Variants in SLC15A1 observed in about 807,000 individuals in gnomAD.
SLC15A1 encodes the protein solute carrier family 15 member 1, also known as Caco-2 oligopeptide transporter.
A neutral mutation model predicts 92.9 loss-of-function variants in SLC15A1; 83 were observed. The observed-to-expected ratio is 0.89, with a 90% CI of 0.75 to 1.07. SLC15A1 has a LOEUF of 1.07. Among genes scored for constraint, SLC15A1 ranks in the 50% least tolerant of loss-of-function variants. The pLI, the probability that SLC15A1 is intolerant of heterozygous loss-of-function variation, is 0.00. For missense variants in SLC15A1, 857 were observed against 880.1 expected (o/e 0.97, Z 0.33); for synonymous variants, 322 against 318.2 (o/e 1.01, Z -0.13).
At chr13:98,729,608 G>T (rs1183962481) in intron 1 of SLC15A1, among the ~76,000 whole-genome samples, 5 of 152,178 alleles carry the variant, frequency 3.3e-5, no homozygotes, top group Non-Finnish European at 7.3e-5. Context: ...GAGCCATACA[G>T]CATGCGGAAG....
chr13:98,707,751 C>T (rs2088124276), intron 15 of SLC15A1, among the ~76,000 whole-genome samples: 2 of 151,790 alleles, frequency 1.3e-5, no homozygotes, highest in Admixed American at 6.6e-5. Flanking sequence ...ATAAATTAGT[C>T]GAGTGTGGTG....
Position 98,690,457 on chromosome 13 carries a change from G to A in SLC15A1, c.1467-1880C>T, listed in dbSNP as rs554906810. On this transcript the variant is annotated intron_variant, in intron 18 of 22. Transcript: ENST00000376503. ...ATGAAGATCACCCACACAAAAGAGA[G>A]CATGTGGGCAGAGTGAAGCCGAGGA... Among the ~76,000 whole-genome samples the A allele has an allele frequency of 3.3e-5, 5 of 152,304 alleles. No individual in the cohort carries two copies. The East Asian group carries it at 9.6e-4, about 29-fold the overall frequency.
At chr13:98,723,883 G>A in intron 5 of SLC15A1, 29 bp downstream of exon 5, 1 of 1,613,552 alleles carries the variant, frequency 6.2e-7, no homozygotes, top group Non-Finnish European at 8.5e-7. Flanking sequence ...GTGGGAGGGT[G>A]ATGGGGGCAG....
intron 1 of SLC15A1, among the ~76,000 whole-genome samples, chr13:98,741,996 G>A (rs2139610060): frequency 6.6e-6 from 1 of 152,340 alleles, no homozygotes. Flanking sequence ...CAAGTGACTG[G>A]GTGTGTTGCC....
intron 15 of SLC15A1, among the ~76,000 whole-genome samples, chr13:98,706,555 G>A (rs529915266): frequency 6.6e-6 from 1 of 152,272 alleles, no homozygotes; most frequent in African/African-American, 2.4e-5. Flanking sequence ...GAATCGTGGG[G>A]GTGGCTTCCC....
At chr13:98,706,817 G>C (rs1379482091) in intron 15 of SLC15A1, among the ~76,000 whole-genome samples, 5 of 152,114 alleles carry the variant, frequency 3.3e-5, no homozygotes, top group African/African-American at 1.2e-4. Flanking sequence ...ATACGTGAAC[G>C]AGTCAGAAAG....
intron 1 of SLC15A1, among the ~76,000 whole-genome samples, chr13:98,743,391 C>A (rs1594011613): frequency 6.6e-6 from 1 of 152,220 alleles, no homozygotes. Flanking sequence ...TTACCTACAA[C>A]TTTCAGCATC....
Position 98,752,584 on chromosome 13 carries a change from G to T in SLC15A1, c.4+11C>A, listed in dbSNP as rs1354657430. ...CTTTAGCCCGGCCGGCCCCCCACCC[G>T]CCGAGCGTACCCATGGCGGCGGCTC... On this transcript the variant is annotated intron_variant, in intron 1 of 22. Coordinates refer to ENST00000376503, the MANE Select transcript of SLC15A1 (RefSeq NM_005073.4). The T allele has an allele frequency of 3.2e-6, 4 of 1,258,066 alleles. No individual in the cohort carries two copies. In the East Asian group the frequency reaches 1.3e-4, roughly 40 times the overall value. 77.9% of individuals were successfully genotyped at this position (1,258,066 alleles called of 1,614,324 possible). A position where few individuals can be genotyped will look rare whatever the true frequency, so the allele number is the denominator to read the frequency against.
intron 1 of SLC15A1, among the ~76,000 whole-genome samples, chr13:98,734,246 T>G (rs557393411): frequency 1.3e-5 from 2 of 152,244 alleles, no homozygotes; most frequent in African/African-American, 2.4e-5. Context: ...ATTATAGGCA[T>G]GAGCCACTGC....
At chr13:98,688,982 C>G (rs1345034357) in intron 18 of SLC15A1, among the ~76,000 whole-genome samples, 1 of 152,334 alleles carries the variant, frequency 6.6e-6, no homozygotes, top group East Asian at 1.9e-4. Context: ...CTCTGTCACC[C>G]AGGCTGGAGT....
chr13:98,714,002 G>A (rs1178644195), intron 9 of SLC15A1, among the ~76,000 whole-genome samples: 19 of 149,914 alleles, frequency 1.3e-4, no homozygotes, highest in African/African-American at 4.7e-4. Flanking sequence ...GCAGTGAGCC[G>A]AGATCGTGCT....
chr13:98,726,753 A>G, intron 2 of SLC15A1, 90 bp downstream of exon 2: 2 of 1,264,408 alleles, frequency 1.6e-6, no homozygotes, highest in Non-Finnish European at 1.2e-6. Flanking sequence ...CCAGATGTAC[A>G]GATCTGTTAG....
chr13:98,726,953 C>T (rs188412066), intron 1 of SLC15A1, 94 bp from the exon 2 acceptor site: 92 of 1,207,236 alleles, frequency 7.6e-5, no homozygotes, highest in Admixed American at 3.8e-4. Context: ...TTAGGGTGGT[C>T]AGAGGGGCCA....
chr13:98,744,562 A>G (rs1233180414), intron 1 of SLC15A1, among the ~76,000 whole-genome samples: 1 of 151,788 alleles, frequency 6.6e-6, no homozygotes, highest in African/African-American at 2.4e-5. Context: ...CAGCCTGGCC[A>G]AGGTAGCAAA....
rs1429170314 is a variant in SLC15A1, at chr13:98,687,621, A to C, written c.1787T>G (p.Val596Gly). ...PQYFLLTCGE[V>G]VFSVTGLEFS... The stretch of plus-strand genomic sequence containing the variant: ...TTCCAATCCCGTGACAGAGAAGACC[A>C]CTTCGCCACAGGTGAGAAGAAAATA... Residue 596 changes from valine to glycine, a missense_variant, in exon 21 of 23, where the codon GTG (valine) becomes GGG (glycine). Transcript: ENST00000376503. 3 of 1,614,076 alleles carry C rather than the reference A, an allele frequency of 1.9e-6. No homozygotes were observed. In the East Asian group the frequency reaches 6.7e-5, roughly 36 times the overall value.
chr13:98,705,304 G>A (rs1435670399), intron 16 of SLC15A1, among the ~76,000 whole-genome samples: 1 of 151,538 alleles, frequency 6.6e-6, no homozygotes, highest in African/African-American at 2.4e-5. Context: ...TGAGTACCAC[G>A]AATCCAGAAC....
chr13:98,717,225 T>C (rs2088217331), intron 8 of SLC15A1, among the ~76,000 whole-genome samples: 2 of 152,226 alleles, frequency 1.3e-5, no homozygotes, highest in African/African-American at 2.4e-5. Flanking sequence ...GCCTATAATA[T>C]AGATGTTCTT....
intron 2 of SLC15A1, 144 bp from the exon 3 acceptor site, chr13:98,726,593 TC>T (rs2088303652): frequency 2.5e-6 from 2 of 806,252 alleles, no homozygotes; most frequent in Admixed American, 4.0e-5. Flanking sequence ...TAGCATTTAA[TC>T]ATTTTATTCC....
rs180885397 is a variant in SLC15A1, at chr13:98,744,348, T to C, written c.4+8247A>G. ...AACTTATACACACACAGACTTTTTT[T>C]TTTTTTAATGGTAAATCATGACTAG... On this transcript the variant is annotated intron_variant, in intron 1 of 22. Transcript: ENST00000376503. 1.9e-3 allele frequency among the ~76,000 whole-genome samples: 295 copies of C among 151,986 alleles called. 1 individual carries two copies. Among genetic ancestry groups the C allele is most frequent in the Middle Eastern group, 6.8e-3 (2 of 292 alleles).
Sources: gnomAD v4.1 joint callset for allele counts (sites outside exome capture counted in the v4.1 genomes callset) on GRCh38, gnomAD v4.1.1 for gene constraint, MANE v1.5 for transcripts, NCBI Gene and HGNC (gene_info 2026-07-23, HGNC 2026-07-21) for gene names.